The following CDS1 variants were observed in gnomAD, a reference collection of about 807,000 sequenced individuals.
CDS1 encodes the protein phosphatidate cytidylyltransferase 1.
CDS1 carries 41 observed loss-of-function variants against 62.1 expected under a neutral mutation model. That is an observed-to-expected ratio of 0.66 (90% confidence interval 0.51 to 0.86). The LOEUF is 0.86. CDS1 is among the 40% of genes least tolerant of loss of function. The pLI is 0.00. For missense variants in CDS1, 470 were observed against 550.1 expected (o/e 0.85, Z 1.46); for synonymous variants, 185 against 192.6 (o/e 0.96, Z 0.32).
chr4:84,592,440 T>A (rs1317050687), intron 1 of CDS1, among the ~76,000 whole-genome samples: 2 of 152,196 alleles, frequency 1.3e-5, no homozygotes, highest in Non-Finnish European at 2.9e-5. Flanking sequence ...CCCAAAGTGC[T>A]GGGATTATGG....
In CDS1 at chr4:84,583,165, G is replaced by C. The variant is rs896330419; in HGVS notation, c.-237G>C. On this transcript the variant is annotated 5_prime_UTR_variant, in exon 1 of 13. Coordinates refer to ENST00000295887, the MANE Select transcript of CDS1 (RefSeq NM_001263.4). Reference sequence around the variant, plus strand: ...GCGCCTGGCGCCCGGAGCCTGCCCGGGACCTCCGCCGGAGCCGCGCTCGCT... The same window carrying C: ...GCGCCTGGCGCCCGGAGCCTGCCCGCGACCTCCGCCGGAGCCGCGCTCGCT... 5 of 449,378 alleles carry C rather than the reference G, an allele frequency of 1.1e-5. No individual in the cohort carries two copies. The highest frequency in any genetic ancestry group is 1.0e-4 in the South Asian group (3 of 28,584). The allele number at this position is 449,378 out of a possible 1,614,324, so 27.8% of individuals were successfully genotyped here.
intron 1 of CDS1, among the ~76,000 whole-genome samples, chr4:84,601,673 G>A (rs1722940680): frequency 6.6e-6 from 1 of 152,184 alleles, no homozygotes; most frequent in African/African-American, 2.4e-5. Context: ...AGCACTTTGG[G>A]AGGTCAGGGC....
In CDS1 at chr4:84,617,566, T is replaced by C. The variant is rs746582895; in HGVS notation, c.345T>C (p.Val115=). 1 of 1,522,970 alleles carries C rather than the reference T, an allele frequency of 6.6e-7. No individual in the cohort carries two copies. Among genetic ancestry groups the C allele is most frequent in the Admixed American group, 1.7e-5 (1 of 58,722 alleles). 94.3% of individuals were successfully genotyped at this position (1,522,970 alleles called of 1,614,324 possible). A position where few individuals can be genotyped will look rare whatever the true frequency, so the allele number is the denominator to read the frequency against. The change falls in exon 4 of 13, where the codon GTT becomes GTC. Residue 115 remains valine (V), a splice_region_variant and synonymous_variant. Coordinates refer to ENST00000295887, the MANE Select transcript of CDS1 (RefSeq NM_001263.4). ...YMGSFMLMLL[V]LGIQVKCFHE... ...TTAATGTTTTCTCTTGGTTTCAGGTTCTGGGCATCCAAGTGAAATGCTTCC... is the reference window on the plus strand; with the variant it reads ...TTAATGTTTTCTCTTGGTTTCAGGTCCTGGGCATCCAAGTGAAATGCTTCC...
intron 5 of CDS1, among the ~76,000 whole-genome samples, chr4:84,631,376 A>G (rs143950793): frequency 1.2e-4 from 18 of 152,356 alleles, no homozygotes; most frequent in African/African-American, 3.8e-4. Context: ...AAATGCTTAG[A>G]TAAGAGCCTA....
rs990314552 is a variant in CDS1 at position 84,631,686 on chromosome 4, G to A, written c.581-133G>A. On this transcript the variant is annotated intron_variant, in intron 5 of 12. Transcript: ENST00000295887. ...TTAAATGCTTAATGTAAGATAGTAGGAGAGATGGCATCTGAGTAAGTAGCT... is the reference window on the plus strand; with the variant it reads ...TTAAATGCTTAATGTAAGATAGTAGAAGAGATGGCATCTGAGTAAGTAGCT... The A allele has an allele frequency of 5.7e-6, 4 of 707,116 alleles. No homozygotes were observed. In the African/African-American group the frequency reaches 7.1e-5, roughly 12 times the overall value. The allele number at this position is 707,116 out of a possible 1,614,324, so 43.8% of individuals were successfully genotyped here. A position where few individuals can be genotyped will look rare whatever the true frequency, so the allele number is the denominator to read the frequency against.
At chr4:84,610,821 A>G (rs1442214045) in intron 3 of CDS1, among the ~76,000 whole-genome samples, 2 of 152,190 alleles carry the variant, frequency 1.3e-5, no homozygotes, top group Non-Finnish European at 2.9e-5. Flanking sequence ...AGGCTATACC[A>G]TATAGACTAG....
At chr4:84,608,109 A>G (rs1182562763) in intron 2 of CDS1, among the ~76,000 whole-genome samples, 2 of 152,230 alleles carry the variant, frequency 1.3e-5, no homozygotes, top group African/African-American at 4.8e-5. Flanking sequence ...CAGCATGGCA[A>G]GGACCAGCTG....
At chr4:84,614,795 C>T (rs1433614598) in intron 3 of CDS1, among the ~76,000 whole-genome samples, 2 of 152,116 alleles carry the variant, frequency 1.3e-5, no homozygotes, top group East Asian at 1.9e-4. Context: ...TTTGATATGT[C>T]TAAAGAATAA....
intron 1 of CDS1, among the ~76,000 whole-genome samples, chr4:84,593,622 A>G (rs1722660528): frequency 6.6e-6 from 1 of 151,912 alleles, no homozygotes; most frequent in Non-Finnish European, 1.5e-5. Flanking sequence ...CTCCTGCCTC[A>G]GCCTCCTGAG....
chr4:84,646,578 A>G (rs937607062), intron 12 of CDS1, among the ~76,000 whole-genome samples: 4 of 152,184 alleles, frequency 2.6e-5, no homozygotes, highest in Non-Finnish European at 5.9e-5. Flanking sequence ...CATATTCATT[A>G]GTTTTCAAAC....
chr4:84,606,327 T>C (rs912518366), intron 2 of CDS1, among the ~76,000 whole-genome samples: 1 of 147,438 alleles, frequency 6.8e-6, no homozygotes, highest in African/African-American at 2.4e-5. Context: ...TGTGTGTGTG[T>C]GTGTATGTGT....
intron 3 of CDS1, among the ~76,000 whole-genome samples, chr4:84,612,453 A>G (rs1412949178): frequency 6.6e-6 from 1 of 152,148 alleles, no homozygotes; most frequent in Non-Finnish European, 1.5e-5. Flanking sequence ...ACTGTTGAGT[A>G]TAATAACTAG....
At chr4:84,630,955 A>G (rs778200482) in intron 5 of CDS1, among the ~76,000 whole-genome samples, 2 of 152,206 alleles carry the variant, frequency 1.3e-5, no homozygotes, top group South Asian at 4.1e-4. Context: ...AGTGATTCAT[A>G]TTGCCTCCCA....
intron 1 of CDS1, among the ~76,000 whole-genome samples, chr4:84,591,461 A>G (rs1722589116): frequency 6.6e-6 from 1 of 151,894 alleles, no homozygotes; most frequent in African/African-American, 2.4e-5. Context: ...GCTTTTTTAT[A>G]CTCTTTGAGA....
Position 84,619,418 on chromosome 4 carries a change from CT to C in CDS1, c.470del (p.Phe157SerfsTer6). 1 of 1,563,792 alleles carries C rather than the reference CT, an allele frequency of 6.4e-7. No individual in the cohort carries two copies. Among genetic ancestry groups the C allele is most frequent in the Non-Finnish European group, 8.7e-7 (1 of 1,142,942 alleles). On this transcript the variant is annotated frameshift_variant, in exon 5 of 13. Coordinates refer to ENST00000295887, the MANE Select transcript of CDS1 (RefSeq NM_001263.4). LOFTEE classifies it high-confidence loss of function. ...GGTACTTTCTATTGTGTGTAAACTACTTTTTCTATGGAGAGACTGTAGCTGA... is the reference window on the plus strand; with the variant it reads ...GGTACTTTCTATTGTGTGTAAACTACTTTTCTATGGAGAGACTGTAGCTGA... ...SWYFLLCVNY[F>X]FYGETVADYF...
intron 5 of CDS1, among the ~76,000 whole-genome samples, chr4:84,622,594 A>AAAT (rs555333927): frequency 2.4e-4 from 37 of 152,120 alleles, no homozygotes; most frequent in South Asian, 1.9e-3. Context: ...CTCCATCTCA[A>AAAT]AATAATAATA....
chr4:84,624,501 G>A (rs1723796770), intron 5 of CDS1, among the ~76,000 whole-genome samples: 1 of 151,872 alleles, frequency 6.6e-6, no homozygotes, highest in Non-Finnish European at 1.5e-5. Context: ...GCAAGTAAGA[G>A]TATCTCTTCT....
Position 84,619,495 on chromosome 4 carries a change from G to A in CDS1, c.542G>A (p.Arg181His), listed in dbSNP as rs764952660. The A allele has an allele frequency of 2.5e-6, 4 of 1,603,256 alleles. No homozygotes were observed. The highest frequency in any genetic ancestry group is 2.2e-5 in the South Asian group (2 of 89,354). The change falls in exon 5 of 13, where the codon CGC becomes CAC. Residue 181 changes from arginine to histidine, a missense_variant. This residue lies in a region of CDS1 where 214 missense variants were observed against 242.4 expected (regional missense o/e 0.88). Coordinates refer to ENST00000295887, the MANE Select transcript of CDS1 (RefSeq NM_001263.4). ...QREEQLQFLI[R>H]YHRFISFALY... The stretch of plus-strand genomic sequence containing the variant: ...GAAGAACAACTTCAGTTCCTCATTC[G>A]CTACCATAGATTTATATCATTTGCC...
intron 1 of CDS1, among the ~76,000 whole-genome samples, chr4:84,588,339 T>C (rs1578012658): frequency 6.6e-6 from 1 of 152,348 alleles, no homozygotes; most frequent in East Asian, 1.9e-4. Flanking sequence ...CATAAATACA[T>C]TATTATTTTC....
Sources: allele counts gnomAD v4.1 joint callset (sites outside exome capture counted in the v4.1 genomes callset), GRCh38; gene constraint gnomAD v4.1.1; regional missense constraint gnomAD v4.1.1; transcripts MANE v1.5; gene names NCBI Gene and HGNC (gene_info 2026-07-23, HGNC 2026-07-21).